Variants in PTPRT observed in about 807,000 individuals in gnomAD.
The protein encoded by PTPRT is protein tyrosine phosphatase receptor type T, also known as receptor-type tyrosine-protein phosphatase T.
PTPRT carries 56 observed loss-of-function variants against 176.8 expected under a neutral mutation model. That is an observed-to-expected ratio of 0.32 (90% confidence interval 0.26 to 0.40). The LOEUF (loss-of-function observed/expected upper bound fraction) is 0.40, where lower values mean the gene tolerates loss of function less well. PTPRT is among the 10% of genes least tolerant of loss of function. The pLI is 1.00. For synonymous variants in PTPRT, 783 were observed against 739.0 expected (o/e 1.06, Z -0.96); for missense variants, 1,540 against 1,908.2 (o/e 0.81, Z 3.60).
At chr20:42,191,229 G>A (rs1056083918) in intron 16 of PTPRT, among the ~76,000 whole-genome samples, 1 of 151,178 alleles carries the variant, frequency 6.6e-6, no homozygotes, top group African/African-American at 2.4e-5. Context: ...AACCTAACAA[G>A]AAACAGAACA....
intron 1 of PTPRT, among the ~76,000 whole-genome samples, chr20:43,010,549 G>A (rs1985062292): frequency 6.6e-6 from 1 of 152,158 alleles, no homozygotes; most frequent in Non-Finnish European, 1.5e-5. Flanking sequence ...AGGGTTGGAT[G>A]AGATATTGAG....
intron 1 of PTPRT, among the ~76,000 whole-genome samples, chr20:43,100,717 G>A (rs2012361898): frequency 6.6e-6 from 1 of 152,186 alleles, no homozygotes; most frequent in Non-Finnish European, 1.5e-5. Context: ...ATGGGGAAAA[G>A]AGACACAAAA....
At chr20:42,460,952 G>A (rs2071008648) in intron 8 of PTPRT, among the ~76,000 whole-genome samples, 1 of 152,204 alleles carries the variant, frequency 6.6e-6, no homozygotes, top group African/African-American at 2.4e-5. Context: ...AGAGGCTGAG[G>A]TGGGAGGACG....
At chr20:42,051,051 T>C in the PTPRT span, among the ~76,000 whole-genome samples, 95,777 of 151,820 alleles carry the variant, frequency 0.63, 31,113 homozygotes, top group African/African-American at 0.78. Context: ...TACCCAGGAA[T>C]GGCTTGGAGA....
intron 9 of PTPRT, among the ~76,000 whole-genome samples, chr20:42,380,575 C>G (rs2058689462): frequency 6.6e-6 from 1 of 152,156 alleles, no homozygotes; most frequent in South Asian, 2.1e-4. Context: ...GATGGTCACA[C>G]AGCAAGAAAC....
At chr20:42,905,384 T>C (rs1908640524) in intron 1 of PTPRT, among the ~76,000 whole-genome samples, 1 of 152,090 alleles carries the variant, frequency 6.6e-6, no homozygotes, top group African/African-American at 2.4e-5. Flanking sequence ...CTCACACCAG[T>C]TAGAATGGCC....
intron 7 of PTPRT, among the ~76,000 whole-genome samples, chr20:42,483,785 G>GTTTGGA (rs1166114919): frequency 3.3e-5 from 5 of 152,220 alleles, no homozygotes; most frequent in South Asian, 2.1e-4. Flanking sequence ...CATTGTCTTT[G>GTTTGGA]GCTCCAAACA....
chr20:43,069,102 C>G (rs1010528320), intron 1 of PTPRT, among the ~76,000 whole-genome samples: 2 of 152,316 alleles, frequency 1.3e-5, no homozygotes, highest in South Asian at 4.1e-4. Flanking sequence ...CTCTGACCCT[C>G]AGCCCCAAGC....
chr20:42,389,860 A>AG lies in PTPRT; in HGVS notation c.1561-37576_1561-37575insC, dbSNP rs200528536. Among the ~76,000 whole-genome samples, 876 of 113,912 alleles carry AG rather than the reference A, an allele frequency of 7.7e-3. 13 individuals are homozygous for AG. The highest frequency in any genetic ancestry group is 0.031 in the African/African-American group (848 of 27,742). The allele number at this position is 113,912 out of a possible 152,430, so 74.7% of individuals were successfully genotyped here. On this transcript the variant is annotated intron_variant, in intron 9 of 30. Coordinates refer to ENST00000373187, the MANE Select transcript of PTPRT (RefSeq NM_007050.6). ...ACAGAGCAAAACCCTGTCAAAAAAA[A>AG]AAAAAAAAAGAAAGAAAGCCTTGAG... is the stretch of plus-strand genomic sequence containing the variant.
intron 7 of PTPRT, among the ~76,000 whole-genome samples, chr20:42,526,213 C>T (rs1320706155): frequency 6.6e-6 from 1 of 152,096 alleles, no homozygotes; most frequent in Non-Finnish European, 1.5e-5. Context: ...TTCTTGTGTT[C>T]TATCTGGATT....
chr20:42,206,372 G>C (rs542904821), intron 15 of PTPRT, among the ~76,000 whole-genome samples: 3 of 152,302 alleles, frequency 2.0e-5, no homozygotes, highest in South Asian at 4.1e-4. Flanking sequence ...CTGAGGTACC[G>C]GGTTCATCTC....
At chr20:43,178,649 T>G (rs1425529753) in intron 1 of PTPRT, among the ~76,000 whole-genome samples, 1 of 152,076 alleles carries the variant, frequency 6.6e-6, no homozygotes, top group Non-Finnish European at 1.5e-5. Flanking sequence ...CAGAACAAGT[T>G]CCTTGACCCA....
chr20:42,711,059 A>G (rs1447398695), intron 6 of PTPRT, among the ~76,000 whole-genome samples: 1 of 152,192 alleles, frequency 6.6e-6, no homozygotes, highest in Non-Finnish European at 1.5e-5. Context: ...TGTTTACCTA[A>G]TCCTGTACTA....
intron 2 of PTPRT, among the ~76,000 whole-genome samples, chr20:42,867,288 T>A (rs1043482453): frequency 2.0e-5 from 3 of 152,018 alleles, no homozygotes; most frequent in Non-Finnish European, 4.4e-5. Context: ...ACCAGCTCCA[T>A]ATCAGAATGC....
At chr20:42,914,614 C>T (rs1978613060) in intron 1 of PTPRT, among the ~76,000 whole-genome samples, 1 of 152,192 alleles carries the variant, frequency 6.6e-6, no homozygotes, top group Non-Finnish European at 1.5e-5. Context: ...TTCTATTTAT[C>T]TGACATCCTG....
intron 7 of PTPRT, among the ~76,000 whole-genome samples, chr20:42,609,232 C>A (rs1025555560): frequency 6.6e-6 from 1 of 151,950 alleles, no homozygotes; most frequent in Non-Finnish European, 1.5e-5. Flanking sequence ...CATGACCATG[C>A]CGGGCTAATT....
At chr20:43,147,081 C>A (rs886348076) in intron 1 of PTPRT, among the ~76,000 whole-genome samples, 1 of 152,086 alleles carries the variant, frequency 6.6e-6, no homozygotes, top group Admixed American at 6.6e-5. Flanking sequence ...GGGACCTCAG[C>A]CAAGCATGTT....
At chr20:42,496,565 T>C (rs2071657333) in intron 7 of PTPRT, among the ~76,000 whole-genome samples, 1 of 152,128 alleles carries the variant, frequency 6.6e-6, no homozygotes, top group African/African-American at 2.4e-5. Context: ...TGTTAATTCT[T>C]ATGATCTTGT....
chr20:42,487,913 G>A (rs1236776792), intron 7 of PTPRT, among the ~76,000 whole-genome samples: 1 of 152,162 alleles, frequency 6.6e-6, no homozygotes, highest in Non-Finnish European at 1.5e-5. Context: ...GACCCATTAT[G>A]TTTTATACAC....
Sources: gnomAD v4.1 joint callset for allele counts (sites outside exome capture counted in the v4.1 genomes callset) on GRCh38, gnomAD v4.1.1 for gene constraint, MANE v1.5 for transcripts, NCBI Gene and HGNC (gene_info 2026-07-23, HGNC 2026-07-21) for gene names.